DLGAP2: variants seen among roughly 807,000 people sequenced by gnomAD.
DLGAP2 encodes the protein DLG associated protein 2, also known as disks large-associated protein 2.
Under a neutral mutation model 100.3 loss-of-function variants are expected in DLGAP2, and 26 were observed. The observed-to-expected ratio is 0.26, with a 90% CI of 0.19 to 0.36. The LOEUF (loss-of-function observed/expected upper bound fraction) is 0.36, where lower values mean the gene tolerates loss of function less well. Ranked by LOEUF, DLGAP2 falls within the 10% of genes least tolerant of loss-of-function variation. The probability of loss-of-function intolerance (pLI) is 1.00; values close to 1 mark genes in which losing one functional copy is unlikely to be tolerated. For missense variants in DLGAP2, 1,858 were observed against 1,453.2 expected, an observed-to-expected ratio of 1.28 and a Z score of -4.53; for synonymous variants, 886 against 630.1, an observed-to-expected ratio of 1.41 and a Z score of -6.08.
intron 1 of DLGAP2, among the ~76,000 whole-genome samples, chr8:842,280 G>T: frequency 6.6e-6 from 1 of 152,198 alleles, no homozygotes; most frequent in East Asian, 1.9e-4. Flanking sequence ...ATTGTACGTT[G>T]CTGTCAGTTT....
At chr8:1,688,890 G>A (rs1256295241) in intron 12 of DLGAP2, among the ~76,000 whole-genome samples, 2 of 152,150 alleles carry the variant, frequency 1.3e-5, no homozygotes, top group African/African-American at 2.4e-5. Context: ...TCTCTGCAAC[G>A]TCATTTTCAA....
chr8:1,633,044 C>A lies in DLGAP2; in HGVS notation c.1808C>A (p.Ala603Glu). The change falls in exon 8 of 15, where the codon GCA (alanine) becomes GAA (glutamate). Residue 603 changes from alanine (A) to glutamate (E), a missense_variant and splice_region_variant. Physicochemically the swap from Ala to Glu is moderately radical, Grantham distance 107 (BLOSUM62 -1). Coordinates refer to ENST00000637795, the MANE Select transcript of DLGAP2 (RefSeq NM_001346810.2). The stretch of plus-strand genomic sequence containing the variant: ...ATCACCTCCACCATCAGGTCAACAG[C>A]AGGTAAGGGGACGCCATTTTCAGCC... Reference protein sequence around the residue: ...SDITSTIRSTAAVSYTNYKKT... With the variant: ...SDITSTIRSTEAVSYTNYKKT... The A allele has an allele frequency of 6.2e-7, 1 of 1,613,946 alleles. No homozygotes were observed. Among genetic ancestry groups the A allele is most frequent in the Non-Finnish European group, 8.5e-7 (1 of 1,179,894 alleles).
intron 3 of DLGAP2, among the ~76,000 whole-genome samples, chr8:1,426,071 C>G (rs1260975365): frequency 6.6e-6 from 1 of 152,160 alleles, no homozygotes; most frequent in Non-Finnish European, 1.5e-5. Flanking sequence ...GGGAGAGCAT[C>G]CCCTAAGGCC....
intron 4 of DLGAP2, among the ~76,000 whole-genome samples, chr8:1,535,018 G>A (rs530895927): frequency 3.3e-4 from 51 of 152,336 alleles, no homozygotes; most frequent in African/African-American, 1.2e-3. Flanking sequence ...TGTCCCAAGC[G>A]TTCATTTCAT....
intron 3 of DLGAP2, among the ~76,000 whole-genome samples, chr8:1,269,881 G>T (rs1418122324): frequency 6.6e-6 from 1 of 152,294 alleles, no homozygotes; most frequent in Non-Finnish European, 1.5e-5. Flanking sequence ...CTCGCTGAGT[G>T]ACTCATTTTC....
At chr8:1,481,765 A>C (rs1782221421) in intron 3 of DLGAP2, among the ~76,000 whole-genome samples, 1 of 152,150 alleles carries the variant, frequency 6.6e-6, no homozygotes, top group African/African-American at 2.4e-5. Flanking sequence ...GGCATGAGTC[A>C]CCGCACCAGG....
rs531631124 is a variant in DLGAP2, at chr8:1,126,889, C to G, written c.74-131962C>G. ...TTGTCCCTGGGGAAACGGGACTGCC[C>G]TCCAGCCAGCTCCTCCTGAGGCAGG... On this transcript the variant is annotated intron_variant, in intron 2 of 14. Coordinates refer to ENST00000637795, the MANE Select transcript of DLGAP2 (RefSeq NM_001346810.2). Among the ~76,000 whole-genome samples the G allele has an allele frequency of 2.6e-5, 4 of 152,006 alleles. No homozygotes were observed. The South Asian group carries it at 8.3e-4, about 32-fold the overall frequency.
chr8:815,275 C>T (rs1376433124), intron 1 of DLGAP2, among the ~76,000 whole-genome samples: 3 of 152,210 alleles, frequency 2.0e-5, no homozygotes, highest in African/African-American at 7.2e-5. Context: ...TCTGTGTCCT[C>T]TGAAGGGAGG....
intron 4 of DLGAP2, among the ~76,000 whole-genome samples, chr8:1,509,796 G>A (rs1250459044): frequency 1.3e-5 from 2 of 152,180 alleles, no homozygotes; most frequent in Admixed American, 1.3e-4. Flanking sequence ...GTGGCTCACA[G>A]CAAGTGTTCA....
intron 6 of DLGAP2, among the ~76,000 whole-genome samples, chr8:1,598,093 C>T (rs1420007455): frequency 6.6e-6 from 1 of 152,140 alleles, no homozygotes; most frequent in African/African-American, 2.4e-5. Flanking sequence ...AATTTTATTG[C>T]AGGCCTTCTC....
intron 2 of DLGAP2, among the ~76,000 whole-genome samples, chr8:1,190,317 G>A (rs368168910): frequency 1.3e-5 from 2 of 152,108 alleles, no homozygotes; most frequent in South Asian, 2.1e-4. Flanking sequence ...TGCCTTTCAC[G>A]TGGCTCGGTG....
intron 2 of DLGAP2, among the ~76,000 whole-genome samples, chr8:1,140,266 G>C (rs370544913): frequency 1.3e-5 from 2 of 152,138 alleles, no homozygotes. Flanking sequence ...GTTGCCGGGT[G>C]GGTGACAGCA....
intron 2 of DLGAP2, among the ~76,000 whole-genome samples, chr8:968,573 C>T (rs1454924264): frequency 3.3e-5 from 5 of 152,292 alleles, no homozygotes; most frequent in South Asian, 2.1e-4. Context: ...CCCCTGGTGG[C>T]GGCCAAGCCC....
At position 1,623,304 on chromosome 8, in the gene DLGAP2, C is replaced by CATGACCTGGCACCAGTGCACG. The variant is rs1283764610; in HGVS notation, c.1443-3419_1443-3418insCACGATGACCTGGCACCAGTG. On this transcript the variant is annotated intron_variant, in intron 6 of 14. Coordinates refer to ENST00000637795, the MANE Select transcript of DLGAP2 (RefSeq NM_001346810.2). ...CCCCCATCCCGCCCAAGCCTGAGTG[C>CATGACCTGGCACCAGTGCACG]ATGACCTGGCACCAGTGTGTGATGA... 1.1e-3 allele frequency among the ~76,000 whole-genome samples: 162 copies of CATGACCTGGCACCAGTGCACG among 152,268 alleles called. 2 individuals are homozygous for CATGACCTGGCACCAGTGCACG. The highest frequency in any genetic ancestry group is 3.6e-3 in the African/African-American group (150 of 41,564).
intron 12 of DLGAP2, among the ~76,000 whole-genome samples, chr8:1,683,842 ATATATATATATATATGTG>A (rs1161398609): frequency 1.5e-5 from 1 of 65,446 alleles, no homozygotes; most frequent in East Asian, 5.6e-4. Context: ...CACTATATAT[ATATATATATATATATGTG>A]TGTGTGTGTG....
chr8:990,066 C>T (rs765062493), intron 2 of DLGAP2, among the ~76,000 whole-genome samples: 1 of 152,030 alleles, frequency 6.6e-6, no homozygotes, highest in African/African-American at 2.4e-5. Flanking sequence ...TCACTGCTTC[C>T]CACTGTAGAA....
At chr8:775,249 G>T (rs929134123) in intron 1 of DLGAP2, among the ~76,000 whole-genome samples, 1 of 152,058 alleles carries the variant, frequency 6.6e-6, no homozygotes, top group Non-Finnish European at 1.5e-5. Context: ...GAGATTTTGG[G>T]CTGAGACAAT....
chr8:1,357,724 C>A (rs1203197045), intron 3 of DLGAP2, among the ~76,000 whole-genome samples: 1 of 152,210 alleles, frequency 6.6e-6, no homozygotes, highest in Non-Finnish European at 1.5e-5. Flanking sequence ...TACGCAGCAC[C>A]ACACCAGAAG....
chr8:1,350,800 G>C (rs1217613814), intron 3 of DLGAP2, among the ~76,000 whole-genome samples: 3 of 54,188 alleles, frequency 5.5e-5, no homozygotes, highest in Non-Finnish European at 7.5e-5. Flanking sequence ...GGTCCTGAGT[G>C]TGCGTGGAAA....
Sources: gnomAD v4.1 joint callset for allele counts (sites outside exome capture counted in the v4.1 genomes callset) on GRCh38, gnomAD v4.1.1 for gene constraint, MANE v1.5 for transcripts, NCBI Gene and HGNC (gene_info 2026-07-23, HGNC 2026-07-21) for gene names.